The following GGA3 variants were observed in gnomAD, a reference collection of about 807,000 sequenced individuals.
The protein encoded by GGA3 is golgi associated, gamma adaptin ear containing, ARF binding protein 3.
A neutral mutation model predicts 77.5 loss-of-function variants in GGA3; 57 were observed. That is an observed-to-expected ratio of 0.74 (90% CI 0.59 to 0.92). The LOEUF (loss-of-function observed/expected upper bound fraction) is 0.92. Ranked by LOEUF, GGA3 falls within the 40% of genes least tolerant of loss-of-function variation. The pLI, the probability that GGA3 is intolerant of heterozygous loss-of-function variation, is 0.00. For missense variants in GGA3, 970 were observed against 914.9 expected, an observed-to-expected ratio of 1.06 and a Z score of -0.78; for synonymous variants, 416 against 383.7, an observed-to-expected ratio of 1.08 and a Z score of -0.98.
intron 15 of GGA3, 36 bp downstream of exon 15, chr17:75,238,878 G>T (rs2145474504): frequency 1.2e-6 from 2 of 1,609,890 alleles, no homozygotes; most frequent in East Asian, 4.5e-5. Context: ...ACAGGGTCAA[G>T]ATAAGGCCGT....
At chr17:75,246,935 A>G (rs1422418709) in intron 1 of GGA3, 139 bp from the exon 2 acceptor site, 1 of 615,118 alleles carries the variant, frequency 1.6e-6, no homozygotes. Flanking sequence ...TAGAACAGTC[A>G]GTAGCAAGGA....
In GGA3 at chr17:75,238,323, C is replaced by G; in HGVS notation, c.2128G>C (p.Glu710Gln). Reference sequence around the variant, plus strand: ...TCCACAGGAGGGAACTGGTCCACCTCGCCCACCTCTGTGCTCAGCTGCTCC... The same window carrying G: ...TCCACAGGAGGGAACTGGTCCACCTGGCCCACCTCTGTGCTCAGCTGCTCC... ...LGEQLSTEVG[E>Q]VDQFPPVEQW... Residue 710 changes from glutamate (E) to glutamine (Q), a missense_variant, in exon 17 of 17, where the codon GAG becomes CAG. Coordinates refer to ENST00000537686, the MANE Select transcript of GGA3 (RefSeq NM_138619.4). 6.2e-7 allele frequency: 1 copy of G among 1,613,830 alleles called. No individual in the cohort carries two copies. The highest frequency in any genetic ancestry group is 8.5e-7 in the Non-Finnish European group (1 of 1,179,932).
At chr17:75,246,450 G>A in intron 3 of GGA3, 59 bp downstream of exon 3, 1 of 1,122,642 alleles carries the variant, frequency 8.9e-7, no homozygotes, top group South Asian at 1.2e-5. Context: ...GGGGACACGA[G>A]GAATGGCGTG....
intron 1 of GGA3, among the ~76,000 whole-genome samples, chr17:75,257,286 C>CA (rs1491394168): frequency 2.3e-4 from 15 of 66,264 alleles, no homozygotes; most frequent in South Asian, 8.8e-4. Flanking sequence ...GTGCCCCCCC[C>CA]CCCAAAAAAA....
rs2076369105 is a variant in GGA3, at chr17:75,237,737, A to T, written c.*542T>A. ...AGGGCTGGGGACTTTGCAGTATGCC[A>T]GTTCCTTATTCTGGGCCAGGCACCT... On this transcript the variant is annotated 3_prime_UTR_variant, in exon 17 of 17. Coordinates refer to ENST00000537686, the MANE Select transcript of GGA3 (RefSeq NM_138619.4). 7.0e-7 allele frequency: 1 copy of T among 1,433,852 alleles called. No homozygotes were observed. Among genetic ancestry groups the T allele is most frequent in the South Asian group, 1.5e-5 (1 of 67,826 alleles). The allele number at this position is 1,433,852 out of a possible 1,614,324, so 88.8% of individuals were successfully genotyped here.
chr17:75,239,903 G>A lies in GGA3; in HGVS notation c.1469C>T (p.Pro490Leu), dbSNP rs1434987012. ...GSSLFSTGVAPALAPKVEPAV... is the reference protein window; with the variant it reads ...GSSLFSTGVALALAPKVEPAV... ...GGGCTCAACTTTTGGGGCCAAGGCTGGGGCCACTCCAGTAGAAAACAAGGA... is the reference window on the plus strand; with the variant it reads ...GGGCTCAACTTTTGGGGCCAAGGCTAGGGCCACTCCAGTAGAAAACAAGGA... Residue 490 changes from proline to leucine, a missense_variant, in exon 13 of 17, where the codon CCA becomes CTA. Pro to Leu is a moderately conservative substitution (Grantham distance 98, BLOSUM62 -3). Transcript: ENST00000537686. 1.2e-6 allele frequency: 2 copies of A among 1,613,232 alleles called. No homozygotes were observed. The highest frequency in any genetic ancestry group is 2.7e-5 in the African/African-American group (2 of 75,010).
Position 75,239,389 on chromosome 17 carries a change from T to A in GGA3, c.1766A>T (p.Glu589Val). Residue 589 changes from glutamate (E) to valine (V), a missense_variant, in exon 14 of 17, where the codon GAA becomes GTA. Coordinates refer to ENST00000537686, the MANE Select transcript of GGA3 (RefSeq NM_138619.4). ...LSLASIHVPL[E>V]SIKPSSALPV... ...CCAACACCTACTAGGCTTGATCGAT[T>A]CCAGGGGCACGTGGATGCTGGCCAG... is the stretch of plus-strand genomic sequence containing the variant. The A allele has an allele frequency of 1.9e-6, 3 of 1,552,694 alleles. No homozygotes were observed. The highest frequency in any genetic ancestry group is 1.2e-5 in the South Asian group (1 of 80,442).
intron 14 of GGA3, 124 bp from the exon 15 acceptor site, chr17:75,239,207 G>C (rs545962144): frequency 1.6e-4 from 167 of 1,022,826 alleles, no homozygotes; most frequent in African/African-American, 1.5e-3. Flanking sequence ...ACGGAATCTG[G>C]GAGAGGCGCT....
Position 75,237,933 on chromosome 17 carries a change from C to T in GGA3, c.*346G>A. On this transcript the variant is annotated 3_prime_UTR_variant, in exon 17 of 17. Transcript: ENST00000537686. ...TTTAGAGACTCCCACCCCCCACCCCCCACCCCAGTGGCTTCAGTGAATGCC... is the reference window on the plus strand; with the variant it reads ...TTTAGAGACTCCCACCCCCCACCCCTCACCCCAGTGGCTTCAGTGAATGCC... 1.6e-6 allele frequency: 1 copy of T among 634,316 alleles called. No homozygotes were observed. The highest frequency in any genetic ancestry group is 5.2e-5 in the South Asian group (1 of 19,354). The allele number at this position is 634,316 out of a possible 1,614,324, so 39.3% of individuals were successfully genotyped here.
At position 75,261,606 on chromosome 17, in the gene GGA3, C is replaced by G; in HGVS notation, c.-19G>C. ...CCGCCATATTGCAGCCGCCCGGCCC[C>G]GCGGCTTCAAAACTCGCGAGAGTCT... On this transcript the variant is annotated 5_prime_UTR_variant, in exon 1 of 17. Transcript: ENST00000537686. 1.3e-6 allele frequency: 2 copies of G among 1,538,868 alleles called. No individual in the cohort carries two copies. The highest frequency in any genetic ancestry group is 1.8e-6 in the Non-Finnish European group (2 of 1,142,618).
At position 75,237,343 on chromosome 17, in the gene GGA3, C is replaced by T; in HGVS notation, c.*936G>A. On this transcript the variant is annotated 3_prime_UTR_variant, in exon 17 of 17. Transcript: ENST00000537686. ...TTTGTGATCCTGAGGCCTCCTGTGT[C>T]CAGCCACAGGTGCCACACCACATGC... The T allele has an allele frequency of 2.6e-6, 2 of 773,100 alleles. No homozygotes were observed. Among genetic ancestry groups the T allele is most frequent in the Non-Finnish European group, 4.4e-6 (2 of 458,972 alleles). 47.9% of individuals were successfully genotyped at this position (773,100 alleles called of 1,614,324 possible).
At chr17:75,257,899 T>C (rs886594181) in intron 1 of GGA3, among the ~76,000 whole-genome samples, 1 of 152,198 alleles carries the variant, frequency 6.6e-6, no homozygotes, top group African/African-American at 2.4e-5. Context: ...CCCTATGACT[T>C]GCACGTACAC....
intron 1 of GGA3, chr17:75,248,989 C>T (rs1255738842): frequency 9.1e-6 from 9 of 984,964 alleles, no homozygotes; most frequent in South Asian, 4.7e-5. Context: ...TCGGCCTCCC[C>T]GGCAGTGTTT....
In GGA3 at chr17:75,237,017, G is replaced by A. The variant is rs181717134; in HGVS notation, c.*1262C>T. Reference sequence around the variant, plus strand: ...CACCTTCCTTTCCCCAGAGATGTCCGATTGCTGAGCTTGTTCACCTGGGCT... The same window carrying A: ...CACCTTCCTTTCCCCAGAGATGTCCAATTGCTGAGCTTGTTCACCTGGGCT... On this transcript the variant is annotated 3_prime_UTR_variant, in exon 17 of 17. Transcript: ENST00000537686. 1.0e-4 allele frequency: 20 copies of A among 192,992 alleles called. No individual in the cohort carries two copies. Among genetic ancestry groups the A allele is most frequent in the Middle Eastern group, 2.3e-3 (1 of 440 alleles). The allele number at this position is 192,992 out of a possible 1,614,324, so 12.0% of individuals were successfully genotyped here.
At chr17:75,240,159 C>A in intron 12 of GGA3, 51 bp from the exon 13 acceptor site, 1 of 1,300,300 alleles carries the variant, frequency 7.7e-7, no homozygotes, top group Non-Finnish European at 1.1e-6. Context: ...GGAGGGCCTG[C>A]CGCTGGAACG....
At chr17:75,259,652 C>A (rs550014894) in intron 1 of GGA3, among the ~76,000 whole-genome samples, 35 of 152,220 alleles carry the variant, frequency 2.3e-4, no homozygotes, top group African/African-American at 8.2e-4. Context: ...ACGGGAGAGA[C>A]CTGGGTCTCT....
chr17:75,253,778 C>T (rs928037048), intron 1 of GGA3, among the ~76,000 whole-genome samples: 2 of 152,080 alleles, frequency 1.3e-5, no homozygotes, highest in African/African-American at 2.4e-5. Context: ...CGTGTCTCTA[C>T]TCTCTCTTTT....
Position 75,238,082 on chromosome 17 carries a change from A to AGTC in GGA3, c.*196_*197insGAC. The AGTC allele has an allele frequency of 7.2e-7, 1 of 1,389,362 alleles. No individual in the cohort carries two copies. Among genetic ancestry groups the AGTC allele is most frequent in the Non-Finnish European group, 9.3e-7 (1 of 1,075,092 alleles). 86.1% of individuals were successfully genotyped at this position (1,389,362 alleles called of 1,614,324 possible). ...CACTTCAAGTCACACAGGTAGATAA[A>AGTC]AACAGGTCCTTTTAGGGGCCAAAGG... is the stretch of plus-strand genomic sequence containing the variant. On this transcript the variant is annotated 3_prime_UTR_variant, in exon 17 of 17. Transcript: ENST00000537686.
chr17:75,240,061 A>G lies in GGA3; in HGVS notation c.1311T>C (p.Ala437=). The change falls in exon 13 of 17, where the codon GCT becomes GCC. Residue 437 remains alanine, a synonymous_variant. Transcript: ENST00000537686. ...GAGGAGCATCGGAGGCGCCACAGGC[A>G]GCGGTCCCCGGCCTGGGGCTGAAGA... The part of the protein sequence containing the change: ...LDFFSPRPGT[A]ACGASDAPLL... 6.5e-7 allele frequency: 1 copy of G among 1,543,518 alleles called. No individual in the cohort carries two copies.
Sources: allele counts gnomAD v4.1 joint callset (sites outside exome capture counted in the v4.1 genomes callset), GRCh38; gene constraint gnomAD v4.1.1; transcripts MANE v1.5; gene names NCBI Gene and HGNC (gene_info 2026-07-23, HGNC 2026-07-21).